Variants in NRG3 observed in about 807,000 individuals in gnomAD.
The protein encoded by NRG3 is neuregulin 3.
A neutral mutation model predicts 66.9 loss-of-function variants in NRG3; 31 were observed. The observed-to-expected ratio is 0.46, with a 90% CI of 0.35 to 0.63. NRG3 has a LOEUF of 0.63. Among genes scored for constraint, NRG3 ranks in the 20% least tolerant of loss-of-function variants. NRG3 has a pLI of 0.00. For synonymous variants in NRG3, 393 were observed against 359.4 expected (o/e 1.09, Z -1.06); for missense variants, 910 against 878.9 (o/e 1.04, Z -0.45).
intron 1 of NRG3, among the ~76,000 whole-genome samples, chr10:82,214,896 A>T (rs915898448): frequency 2.0e-5 from 3 of 152,196 alleles, no homozygotes; most frequent in African/African-American, 7.2e-5. Flanking sequence ...CTAGAAATGT[A>T]GACTTTCTGT....
chr10:82,875,472 T>G lies in NRG3; in HGVS notation c.1054+10035T>G, dbSNP rs998716187. On this transcript the variant is annotated intron_variant, in intron 4 of 8. Coordinates refer to ENST00000372141, the MANE Select transcript of NRG3 (RefSeq NM_001010848.4). The stretch of plus-strand genomic sequence containing the variant: ...TCCCAGGCTCAAGTCTTCTTCCCAT[T>G]TTAACCTCCCCTGTAGCTGGGACCA... 3.6e-4 allele frequency among the ~76,000 whole-genome samples: 54 copies of G among 152,092 alleles called. 2 individuals are homozygous for G. Among genetic ancestry groups the G allele is most frequent in the Non-Finnish European group, 4.4e-5 (3 of 68,004 alleles).
At chr10:82,687,194 T>C (rs1257045030) in intron 2 of NRG3, among the ~76,000 whole-genome samples, 2 of 152,224 alleles carry the variant, frequency 1.3e-5, no homozygotes, top group Non-Finnish European at 2.9e-5. Context: ...GGCTTCAAAA[T>C]GTACTTTTCC....
chr10:82,491,206 A>G (rs1226558144), intron 2 of NRG3, among the ~76,000 whole-genome samples: 1 of 147,562 alleles, frequency 6.8e-6, no homozygotes, highest in African/African-American at 2.5e-5. Context: ...TTACACTCTC[A>G]GTAATCCCTA....
intron 2 of NRG3, among the ~76,000 whole-genome samples, chr10:82,688,337 A>C (rs1180175928): frequency 6.6e-6 from 1 of 152,190 alleles, no homozygotes; most frequent in Admixed American, 6.5e-5. Flanking sequence ...CATATGCCTG[A>C]TAGATGGCAG....
intron 2 of NRG3, among the ~76,000 whole-genome samples, chr10:82,729,711 G>A (rs923282074): frequency 6.6e-6 from 1 of 152,154 alleles, no homozygotes; most frequent in African/African-American, 2.4e-5. Context: ...AAGAACAAAT[G>A]TGTCATAATT....
intron 2 of NRG3, among the ~76,000 whole-genome samples, chr10:82,395,267 G>A (rs1030601120): frequency 1.3e-5 from 2 of 152,066 alleles, no homozygotes; most frequent in South Asian, 2.1e-4. Flanking sequence ...CTTGTTGCAC[G>A]TTATTGTGGT....
At chr10:82,895,674 T>C (rs1203314435) in intron 4 of NRG3, among the ~76,000 whole-genome samples, 1 of 152,038 alleles carries the variant, frequency 6.6e-6, no homozygotes, top group Non-Finnish European at 1.5e-5. Context: ...GTAATTTTAA[T>C]AGAGACGGTG....
chr10:82,406,696 A>G (rs1013569960), intron 2 of NRG3, among the ~76,000 whole-genome samples: 4 of 152,116 alleles, frequency 2.6e-5, no homozygotes, highest in African/African-American at 9.7e-5. Flanking sequence ...ATAGAATACT[A>G]CATTCTGACT....
chr10:82,562,315 G>A (rs2045105394), intron 2 of NRG3, among the ~76,000 whole-genome samples: 1 of 152,128 alleles, frequency 6.6e-6, no homozygotes, highest in African/African-American at 2.4e-5. Context: ...AGTCTTGATT[G>A]GAAAAGTGAG....
intron 5 of NRG3, among the ~76,000 whole-genome samples, chr10:82,955,575 T>C (rs1027120698): frequency 1.3e-5 from 2 of 151,886 alleles, no homozygotes; most frequent in Non-Finnish European, 2.9e-5. Context: ...GGAGAGGATA[T>C]GTTTCAGGAG....
chr10:82,125,049 A>G (rs1302256172), intron 1 of NRG3, among the ~76,000 whole-genome samples: 2 of 151,946 alleles, frequency 1.3e-5, no homozygotes, highest in African/African-American at 2.4e-5. Context: ...ACTTGGTCTC[A>G]CCCTTTTGCT....
chr10:82,821,007 A>G (rs2061929043), intron 3 of NRG3, among the ~76,000 whole-genome samples: 1 of 152,242 alleles, frequency 6.6e-6, no homozygotes, highest in South Asian at 2.1e-4. Context: ...AAATGCTTTA[A>G]TACTTTCGAA....
At chr10:82,548,302 A>G (rs1352764429) in intron 2 of NRG3, among the ~76,000 whole-genome samples, 1 of 152,084 alleles carries the variant, frequency 6.6e-6, no homozygotes. Flanking sequence ...ACAACAAGGG[A>G]ACTTTCCTTG....
At chr10:82,132,496 T>TATATATCATATATATATG (rs2068949817) in intron 1 of NRG3, among the ~76,000 whole-genome samples, 1 of 50,270 alleles carries the variant, frequency 2.0e-5, no homozygotes, top group African/African-American at 1.1e-4. Flanking sequence ...ATATATGATA[T>TATATATCATATATATATG]ATATATATCA....
At chr10:82,140,953 A>C (rs1482435118) in intron 1 of NRG3, among the ~76,000 whole-genome samples, 1 of 152,056 alleles carries the variant, frequency 6.6e-6, no homozygotes, top group Non-Finnish European at 1.5e-5. Context: ...TAAATTCTAC[A>C]ATTTCTTAAA....
chr10:81,935,910 C>G (rs1170038466), intron 1 of NRG3, among the ~76,000 whole-genome samples: 1 of 149,786 alleles, frequency 6.7e-6, no homozygotes, highest in Non-Finnish European at 1.5e-5. Context: ...CACACACACA[C>G]ACACACACAC....
At chr10:82,622,773 C>G (rs1001567234) in intron 2 of NRG3, among the ~76,000 whole-genome samples, 21 of 152,158 alleles carry the variant, frequency 1.4e-4, no homozygotes, top group African/African-American at 4.8e-4. Context: ...TGCAACCCAT[C>G]ATGTCTATAA....
At chr10:82,127,049 G>A (rs554996564) in intron 1 of NRG3, among the ~76,000 whole-genome samples, 1 of 152,208 alleles carries the variant, frequency 6.6e-6, no homozygotes, top group South Asian at 2.1e-4. Flanking sequence ...CAATCCTTGA[G>A]CAAAAATAAG....
At chr10:82,399,498 C>A (rs1389144008) in intron 2 of NRG3, among the ~76,000 whole-genome samples, 1 of 152,162 alleles carries the variant, frequency 6.6e-6, no homozygotes, top group Non-Finnish European at 1.5e-5. Context: ...AAATTTATTT[C>A]TCACAGTTCT....
Sources: allele counts gnomAD v4.1 joint callset (sites outside exome capture counted in the v4.1 genomes callset), GRCh38; gene constraint gnomAD v4.1.1; transcripts MANE v1.5; gene names NCBI Gene and HGNC (gene_info 2026-07-23, HGNC 2026-07-21).